The following GPALPP1 variants were observed in gnomAD, a reference collection of about 807,000 sequenced individuals.
The protein encoded by GPALPP1 is GPALPP motifs-containing protein 1.
In GPALPP1, 30 loss-of-function variants were observed where a neutral mutation model predicts 38.9. That is an observed-to-expected ratio of 0.77 (90% CI 0.58 to 1.05). The LOEUF (loss-of-function observed/expected upper bound fraction) is 1.05. GPALPP1 is among the 50% of genes least tolerant of loss of function. The pLI, the probability that GPALPP1 is intolerant of heterozygous loss-of-function variation, is 0.00. For synonymous variants in GPALPP1, 120 were observed against 139.2 expected (o/e 0.86, Z 0.97); for missense variants, 384 against 408.8 (o/e 0.94, Z 0.52).
intron 1 of GPALPP1, among the ~76,000 whole-genome samples, chr13:44,994,182 C>T (rs541424430): frequency 9.3e-4 from 127 of 135,836 alleles, no homozygotes; most frequent in Admixed American, 1.7e-3. Context: ...CATGCCACTG[C>T]ACTCCAGCCT....
At chr13:45,032,288 G>A (rs1295312657), downstream of GPALPP1, among the ~76,000 whole-genome samples, 1 of 152,026 alleles carries the variant, frequency 6.6e-6, no homozygotes, top group African/African-American at 2.4e-5. Context: ...AGAAAAAAGA[G>A]AAAAGCCCTG....
rs1308980675 is a variant in GPALPP1 at position 45,030,231 on chromosome 13, T to C, written c.*2228T>C. 1 of 152,228 alleles carries C rather than the reference T, an allele frequency of 6.6e-6. No individual in the cohort carries two copies. Among genetic ancestry groups the C allele is most frequent in the East Asian group, 1.9e-4 (1 of 5,204 alleles). 9.4% of individuals were successfully genotyped at this position (152,228 alleles called of 1,614,324 possible). A position where few individuals can be genotyped will look rare whatever the true frequency, so the allele number is the denominator to read the frequency against. The stretch of plus-strand genomic sequence containing the variant: ...ATGCTTTAAGCACTGCCTCTTAAGA[T>C]GATAAATTTATAAGATGAGAAATTC... On this transcript the variant is annotated 3_prime_UTR_variant, in exon 8 of 8. Transcript: ENST00000379151.
At chr13:45,018,131 C>T (rs1875001781) in intron 6 of GPALPP1, among the ~76,000 whole-genome samples, 1 of 152,190 alleles carries the variant, frequency 6.6e-6, no homozygotes, top group South Asian at 2.1e-4. Context: ...GGCGTGGTGG[C>T]TCACGCCTGT....
intron 7 of GPALPP1, among the ~76,000 whole-genome samples, chr13:45,023,681 T>C (rs1875577296): frequency 6.6e-6 from 1 of 152,204 alleles, no homozygotes; most frequent in African/African-American, 2.4e-5. Context: ...GCCTTCCGCT[T>C]CCAACTCTTG....
intron 7 of GPALPP1, among the ~76,000 whole-genome samples, chr13:45,025,423 C>A (rs1875764190): frequency 6.6e-6 from 1 of 152,026 alleles, no homozygotes; most frequent in South Asian, 2.1e-4. Context: ...GAAATAAGAT[C>A]TTTCCAAGTC....
intron 7 of GPALPP1, among the ~76,000 whole-genome samples, chr13:45,025,572 T>C (rs935171283): frequency 1.3e-5 from 2 of 152,162 alleles, no homozygotes; most frequent in African/African-American, 4.8e-5. Flanking sequence ...ATTCATTAGA[T>C]CATTTAACTC....
chr13:45,035,802 T>C (rs1031704138), exon 8 of GPALPP1: 4 of 152,142 alleles, frequency 2.6e-5, no homozygotes. Flanking sequence ...ATCTTTGGGG[T>C]TAGAATCAGA....
chr13:45,024,368 C>T (rs1051382946), intron 7 of GPALPP1, among the ~76,000 whole-genome samples: 5 of 151,344 alleles, frequency 3.3e-5, no homozygotes, highest in African/African-American at 1.2e-4. Context: ...GGCGCGATCT[C>T]GGCTTACTGC....
At chr13:44,995,687 A>T (rs1236459551) in intron 1 of GPALPP1, among the ~76,000 whole-genome samples, 2 of 152,136 alleles carry the variant, frequency 1.3e-5, no homozygotes, top group African/African-American at 4.8e-5. Context: ...ACAATTGGTC[A>T]CCCTATTTCT....
Position 45,015,603 on chromosome 13 carries a change from GGTTTTGTTTGTTT to G in GPALPP1, c.705+11_705+23del, listed in dbSNP as rs1007458661. ...TAGGGAAAGGAAAGCTAAGGTGAGA[GGTTTTGTTTGTTT>G]GTTCATGTATTTCTGTTCATGTTGG... On this transcript the variant is annotated splice_region_variant and intron_variant, in intron 6 of 7. Transcript: ENST00000379151. 1.4e-6 allele frequency: 2 copies of G among 1,453,180 alleles called. No homozygotes were observed. Among genetic ancestry groups the G allele is most frequent in the Non-Finnish European group, 1.8e-6 (2 of 1,096,772 alleles). The allele number at this position is 1,453,180 out of a possible 1,614,324, so 90.0% of individuals were successfully genotyped here. A position where few individuals can be genotyped will look rare whatever the true frequency, so the allele number is the denominator to read the frequency against.
At chr13:45,023,247 T>A (rs1875551570) in intron 7 of GPALPP1, among the ~76,000 whole-genome samples, 1 of 151,580 alleles carries the variant, frequency 6.6e-6, no homozygotes, top group Non-Finnish European at 1.5e-5. Flanking sequence ...TTATTATATT[T>A]TAGCACTAGT....
intron 1 of GPALPP1, among the ~76,000 whole-genome samples, chr13:44,996,429 A>G (rs1873278244): frequency 6.6e-6 from 1 of 151,792 alleles, no homozygotes; most frequent in Non-Finnish European, 1.5e-5. Flanking sequence ...GCATGAATAC[A>G]GCTAACCATA....
At position 45,022,320 on chromosome 13, in the gene GPALPP1, G is replaced by A. The variant is rs1261142458; in HGVS notation, c.804+1892G>A. On this transcript the variant is annotated intron_variant, in intron 7 of 7. Transcript: ENST00000379151. ...GGAATTTGACTAGGAAACAGCATAT[G>A]CCTGAAGTGATAGAAAGGTTCCAGA... 4.6e-5 allele frequency among the ~76,000 whole-genome samples: 7 copies of A among 152,240 alleles called. No homozygotes were observed. In the East Asian group the frequency reaches 1.3e-3, roughly 29 times the overall value.
intron 1 of GPALPP1, among the ~76,000 whole-genome samples, chr13:45,000,086 A>T (rs1873562254): frequency 6.6e-6 from 1 of 152,104 alleles, no homozygotes; most frequent in South Asian, 2.1e-4. Context: ...AAAAATGTAT[A>T]TCTCGTTTGT....
chr13:44,999,092 A>G (rs765457290), intron 1 of GPALPP1, among the ~76,000 whole-genome samples: 6 of 152,232 alleles, frequency 3.9e-5, no homozygotes, highest in Non-Finnish European at 8.8e-5. Flanking sequence ...ACATAATACC[A>G]TATAATTTTT....
intron 2 of GPALPP1, 82 bp downstream of exon 2, chr13:45,004,519 A>G (rs755946767): frequency 2.3e-6 from 2 of 863,484 alleles, no homozygotes; most frequent in East Asian, 2.5e-5. Context: ...TAGTAAGGGG[A>G]TATCATATTT....
intron 4 of GPALPP1, among the ~76,000 whole-genome samples, chr13:45,013,209 T>C (rs1336813738): frequency 6.6e-6 from 1 of 152,170 alleles, no homozygotes; most frequent in Admixed American, 6.5e-5. Context: ...ACCTTCCTGC[T>C]CTATAAGAGA....
At chr13:44,997,711 C>T (rs1468129802) in intron 1 of GPALPP1, among the ~76,000 whole-genome samples, 1 of 152,162 alleles carries the variant, frequency 6.6e-6, no homozygotes, top group Non-Finnish European at 1.5e-5. Context: ...CTAAGTACTT[C>T]CATCTGAGAG....
chr13:45,005,086 C>CTTTTTTTT lies in GPALPP1; in HGVS notation c.221+672_221+679dup, dbSNP rs71759613. 7.8e-4 allele frequency: 45 copies of CTTTTTTTT among 57,538 alleles called. 3 individuals carry two copies. The highest frequency in any genetic ancestry group is 9.8e-4 in the Non-Finnish European group (31 of 31,580). The allele number at this position is 57,538 out of a possible 1,614,324, so 3.6% of individuals were successfully genotyped here. On this transcript the variant is annotated intron_variant, in intron 2 of 7. Transcript: ENST00000379151. ...TTTCTTTAAATAAACTAATGGTTTT[C>CTTTTTTTT]TTTTTTTTTTTTTTTTTTTTTTTTT...
Sources: allele counts gnomAD v4.1 joint callset (sites outside exome capture counted in the v4.1 genomes callset), GRCh38; gene constraint gnomAD v4.1.1; transcripts MANE v1.5; gene names NCBI Gene and HGNC (gene_info 2026-07-23, HGNC 2026-07-21).